NR3C2: variants seen among roughly 807,000 people sequenced by gnomAD.
NR3C2 encodes the protein nuclear receptor subfamily 3 group C member 2.
Under a neutral mutation model 86.4 loss-of-function variants are expected in NR3C2, and 15 were observed. That is an observed-to-expected ratio of 0.17 (90% CI 0.12 to 0.27). NR3C2 has a LOEUF of 0.27. NR3C2 is among the 10% of genes least tolerant of loss of function. The pLI, the probability that NR3C2 is intolerant of heterozygous loss-of-function variation, is 1.00. For missense variants in NR3C2, 960 were observed against 1,195.6 expected (o/e 0.80, Z 2.91); for synonymous variants, 458 against 450.5 (o/e 1.02, Z -0.21).
intron 3 of NR3C2, among the ~76,000 whole-genome samples, chr4:148,239,042 A>G (rs1464465233): frequency 1.3e-5 from 2 of 152,222 alleles, no homozygotes; most frequent in Non-Finnish European, 2.9e-5. Context: ...TTCATAAACC[A>G]AGTACAGCTG....
At chr4:148,335,472 G>A (rs1365527367) in intron 2 of NR3C2, among the ~76,000 whole-genome samples, 13 of 152,122 alleles carry the variant, frequency 8.5e-5, no homozygotes, top group Admixed American at 6.5e-4. Flanking sequence ...AGGAGTGATC[G>A]CCTGCAGAAG....
intron 3 of NR3C2, among the ~76,000 whole-genome samples, chr4:148,236,130 T>A (rs533353595): frequency 1.3e-5 from 2 of 152,308 alleles, no homozygotes; most frequent in Non-Finnish European, 2.9e-5. Context: ...TCTTTCCCAT[T>A]TCTGAGGAAG....
At chr4:148,316,023 G>GA (rs1222019582) in intron 2 of NR3C2, among the ~76,000 whole-genome samples, 31 of 152,010 alleles carry the variant, frequency 2.0e-4, no homozygotes, top group African/African-American at 5.8e-4. Flanking sequence ...TTATATGAGG[G>GA]AAAACCAATA....
At chr4:148,192,185 G>A (rs980535715) in intron 4 of NR3C2, among the ~76,000 whole-genome samples, 1 of 152,218 alleles carries the variant, frequency 6.6e-6, no homozygotes, top group African/African-American at 2.4e-5. Flanking sequence ...GTGTTCCCTT[G>A]ATGAACTACT....
intron 2 of NR3C2, among the ~76,000 whole-genome samples, chr4:148,421,464 C>G (rs1749277096): frequency 6.6e-6 from 1 of 152,144 alleles, no homozygotes; most frequent in African/African-American, 2.4e-5. Flanking sequence ...AGGGCACTCC[C>G]CTTTTAAAGA....
chr4:148,173,204 T>C (rs112522458), intron 4 of NR3C2, among the ~76,000 whole-genome samples: 34 of 152,328 alleles, frequency 2.2e-4, no homozygotes, highest in African/African-American at 7.9e-4. Flanking sequence ...TGGACATAGG[T>C]CATTACATAG....
chr4:148,319,310 T>A (rs924725553), intron 2 of NR3C2, among the ~76,000 whole-genome samples: 38 of 152,368 alleles, frequency 2.5e-4, no homozygotes, highest in African/African-American at 8.9e-4. Context: ...TCAGGTAGTG[T>A]GATTCCTCCA....
chr4:148,444,857 A>G (rs1316204751), upstream of NR3C2: 3 of 984,562 alleles, frequency 3.0e-6, no homozygotes, highest in Non-Finnish European at 3.6e-6. Context: ...CGTCCCTGGG[A>G]GCCGGGAAGT....
rs545156116 is a variant in NR3C2 at position 148,365,820 on chromosome 4, A to T, written c.1757+69284T>A. Among the ~76,000 whole-genome samples, 6 of 152,304 alleles carry T rather than the reference A, an allele frequency of 3.9e-5. No homozygotes were observed. In the East Asian group the frequency reaches 9.6e-4, roughly 24 times the overall value. On this transcript the variant is annotated intron_variant, in intron 2 of 8. Coordinates refer to ENST00000358102, the MANE Select transcript of NR3C2 (RefSeq NM_000901.5). The stretch of plus-strand genomic sequence containing the variant: ...GATAAATTTCAATCAGATATTAGTG[A>T]AAATACAAGTATAACTTTTTCCCAT...
intron 2 of NR3C2, among the ~76,000 whole-genome samples, chr4:148,396,303 G>A (rs1026510747): frequency 9.9e-5 from 15 of 152,216 alleles, no homozygotes; most frequent in African/African-American, 2.9e-4. Flanking sequence ...TAGTACTTAC[G>A]AGTAATAAAA....
chr4:148,149,237 A>G (rs1421771501), intron 6 of NR3C2, among the ~76,000 whole-genome samples: 2 of 152,228 alleles, frequency 1.3e-5, no homozygotes, highest in African/African-American at 4.8e-5. Flanking sequence ...AATTACATCA[A>G]TAACATTTAA....
intron 2 of NR3C2, among the ~76,000 whole-genome samples, chr4:148,383,324 T>C (rs1022096870): frequency 2.0e-5 from 3 of 152,174 alleles, no homozygotes; most frequent in African/African-American, 7.2e-5. Context: ...TTTATGTTTA[T>C]ATAAAATCAA....
chr4:148,093,139 T>C (rs1276677078), intron 8 of NR3C2, among the ~76,000 whole-genome samples: 3 of 152,244 alleles, frequency 2.0e-5, no homozygotes, highest in African/African-American at 2.4e-5. Context: ...TCCAGCCTGA[T>C]GGGCCACAGC....
intron 5 of NR3C2, among the ~76,000 whole-genome samples, chr4:148,153,332 G>A (rs1734192286): frequency 6.6e-6 from 1 of 152,014 alleles, no homozygotes; most frequent in African/African-American, 2.4e-5. Context: ...TGCCTGCCAG[G>A]ACGCCCAACT....
chr4:148,170,493 C>T (rs1243269616), intron 4 of NR3C2, among the ~76,000 whole-genome samples: 1 of 151,566 alleles, frequency 6.6e-6, no homozygotes, highest in Admixed American at 6.6e-5. Context: ...AACATTTGCA[C>T]TTCTGACACT....
intron 4 of NR3C2, among the ~76,000 whole-genome samples, chr4:148,189,014 G>A (rs549166860): frequency 3.5e-5 from 5 of 143,952 alleles, no homozygotes; most frequent in African/African-American, 7.8e-5. Flanking sequence ...TGCAACCTCC[G>A]CCTCCTGGGT....
Position 148,154,720 on chromosome 4 carries a change from T to A in NR3C2, c.2196A>T (p.Arg732=), listed in dbSNP as rs1469602396. The A allele has an allele frequency of 1.1e-5, 17 of 1,612,380 alleles. No homozygotes were observed. The highest frequency in any genetic ancestry group is 1.4e-5 in the Non-Finnish European group (16 of 1,179,598). ...CCATAACGGGGGAAGGTGTGAGCGC[T>A]CGTGAGATTGTGGAGAGCTGAGGAA... ...ALVPQLSTIS[R]ALTPSPVMVL... is the part of the protein sequence containing the mutation. Residue 732 remains arginine, a synonymous_variant, in exon 5 of 9, where the codon CGA becomes CGT. Transcript: ENST00000358102.
intron 4 of NR3C2, among the ~76,000 whole-genome samples, chr4:148,177,946 T>C (rs960466981): frequency 6.6e-6 from 1 of 152,236 alleles, no homozygotes; most frequent in African/African-American, 2.4e-5. Context: ...TAGTAATTTT[T>C]TAAAGCTTCC....
At chr4:148,403,488 A>G (rs61756945) in intron 2 of NR3C2, among the ~76,000 whole-genome samples, 28,184 of 152,018 alleles carry the variant, frequency 0.19, 2,928 homozygotes, top group Non-Finnish European at 0.23. Flanking sequence ...CTATTTTCTA[A>G]TGACAGGGAG....
Sources: allele counts gnomAD v4.1 joint callset (sites outside exome capture counted in the v4.1 genomes callset), GRCh38; gene constraint gnomAD v4.1.1; transcripts MANE v1.5; gene names NCBI Gene and HGNC (gene_info 2026-07-23, HGNC 2026-07-21).